Variants in BICD2 observed in about 807,000 individuals in gnomAD.
BICD2 encodes BICD cargo adaptor 2, also known as protein bicaudal D homolog 2.
BICD2 carries 25 observed loss-of-function variants against 72.9 expected under a neutral mutation model. The ratio of observed to expected loss-of-function variants is 0.34; its 90% CI spans 0.25 to 0.48. The LOEUF (loss-of-function observed/expected upper bound fraction) is 0.48, where lower values mean the gene tolerates loss of function less well. Among genes scored for constraint, BICD2 ranks in the 20% least tolerant of loss-of-function variants. The probability of loss-of-function intolerance (pLI) is 0.99; values close to 1 mark genes in which losing one functional copy is unlikely to be tolerated. For missense variants in BICD2, 894 were observed against 1,175.2 expected (o/e 0.76, Z 3.50); for synonymous variants, 501 against 516.1 (o/e 0.97, Z 0.40).
intron 1 of BICD2, among the ~76,000 whole-genome samples, chr9:92,729,591 C>T (rs1853639676): frequency 6.6e-6 from 1 of 152,220 alleles, no homozygotes; most frequent in African/African-American, 2.4e-5. Context: ...ACACAGCCCC[C>T]ACCTTCTCCC....
rs1478749168 is a variant in BICD2 at position 92,717,897 on chromosome 9, C to T, written c.2158G>A (p.Ala720Thr). ...TTCATCATGGTCTCGGTAACCATGG[C>T]CTTCTCATTCTCATACTTGCTCTTC... is the stretch of plus-strand genomic sequence containing the variant. ...NLKSKYENEK[A>T]MVTETMMKLR... The change falls in exon 6 of 7, where the codon GCC (alanine) becomes ACC (threonine). Residue 720 changes from alanine to threonine, a missense_variant. By Grantham distance (58) the Ala-to-Thr change is moderately conservative. Coordinates refer to ENST00000356884, the MANE Select transcript of BICD2 (RefSeq NM_001003800.2). The T allele has an allele frequency of 2.5e-6, 4 of 1,613,556 alleles. No individual in the cohort carries two copies. Among genetic ancestry groups the T allele is most frequent in the East Asian group, 2.2e-5 (1 of 44,872 alleles).
chr9:92,733,525 A>T, intron 1 of BICD2, among the ~76,000 whole-genome samples: 1 of 146,816 alleles, frequency 6.8e-6, no homozygotes, highest in South Asian at 2.1e-4. Flanking sequence ...ACGACAGAGG[A>T]AAAAAAAAAA....
chr9:92,713,543 C>G lies in BICD2; in HGVS notation c.*1611G>C. The G allele has an allele frequency of 6.4e-7, 1 of 1,553,456 alleles. No individual in the cohort carries two copies. The highest frequency in any genetic ancestry group is 2.4e-5 in the East Asian group (1 of 41,574). On this transcript the variant is annotated 3_prime_UTR_variant, in exon 7 of 7. Transcript: ENST00000356884. ...TCTGACAATTGAAGCTCTCCACGTG[C>G]TGGGAGGGCGCGAGCACGTTAGTTG...
At position 92,756,802 on chromosome 9, in the gene BICD2, G is replaced by T. The variant is rs141567774; in HGVS notation, c.240+7703C>A. Among the ~76,000 whole-genome samples the T allele has an allele frequency of 9.0e-3, 1,360 of 151,788 alleles. 23 individuals are homozygous for T. The highest frequency in any genetic ancestry group is 0.032 in the African/African-American group (1,312 of 41,462). On this transcript the variant is annotated intron_variant, in intron 1 of 6. Coordinates refer to ENST00000356884, the MANE Select transcript of BICD2 (RefSeq NM_001003800.2). ...GAATCGCTTGAACCCGGGAGGCAGA[G>T]GTTGCAGTGAGCAGACATCGCGCCA...
intron 1 of BICD2, among the ~76,000 whole-genome samples, chr9:92,746,950 A>G (rs1397821022): frequency 6.6e-6 from 1 of 152,238 alleles, no homozygotes; most frequent in Non-Finnish European, 1.5e-5. Context: ...ACTAGTCAGC[A>G]GCCAGAGCTG....
chr9:92,737,745 T>C (rs1289409319), intron 1 of BICD2, among the ~76,000 whole-genome samples: 2 of 152,232 alleles, frequency 1.3e-5, no homozygotes, highest in Non-Finnish European at 2.9e-5. Flanking sequence ...CAAGTGTTAC[T>C]TTCTGTGAAA....
At chr9:92,741,587 TTTTC>T (rs1422472866) in intron 1 of BICD2, among the ~76,000 whole-genome samples, 2 of 152,278 alleles carry the variant, frequency 1.3e-5, no homozygotes, top group Non-Finnish European at 2.9e-5. Context: ...ATTTTCTTTT[TTTTC>T]TTTATGTCAT....
intron 6 of BICD2, 104 bp from the exon 7 acceptor site, chr9:92,715,567 A>AG: frequency 8.4e-7 from 1 of 1,184,786 alleles, no homozygotes; most frequent in African/African-American, 1.5e-5. Context: ...CCTATACCAG[A>AG]GCCATCCTTC....
chr9:92,733,851 C>T (rs1288480944), intron 1 of BICD2, among the ~76,000 whole-genome samples: 1 of 152,016 alleles, frequency 6.6e-6, no homozygotes, highest in East Asian at 1.9e-4. Flanking sequence ...CCCGTAGTCC[C>T]AGCTACTGGG....
chr9:92,730,406 T>C (rs2131511581), intron 1 of BICD2, among the ~76,000 whole-genome samples: 1 of 152,270 alleles, frequency 6.6e-6, no homozygotes, highest in South Asian at 2.1e-4. Flanking sequence ...AAACCATGAA[T>C]AAGGATGTTA....
At position 92,762,593 on chromosome 9, in the gene BICD2, ATTC is replaced by A. The variant is rs530307097; in HGVS notation, c.240+1909_240+1911del. ...CAGAAACAGGTATACCCTCTTCCTG[ATTC>A]TGCTAGGGACTCACCCTCCAGATAC... On this transcript the variant is annotated intron_variant, in intron 1 of 6. Transcript: ENST00000356884. 5.9e-5 allele frequency among the ~76,000 whole-genome samples: 9 copies of A among 152,326 alleles called. No homozygotes were observed. In the South Asian group the frequency reaches 1.7e-3, roughly 28 times the overall value.
chr9:92,754,423 C>T (rs571732601), intron 1 of BICD2, among the ~76,000 whole-genome samples: 22 of 152,298 alleles, frequency 1.4e-4, no homozygotes, highest in Non-Finnish European at 2.6e-4. Flanking sequence ...TCATCGTGTT[C>T]AAACTGTTCC....
Position 92,714,847 on chromosome 9 carries a change from G to C in BICD2, c.*307C>G. 1 of 1,129,652 alleles carries C rather than the reference G, an allele frequency of 8.9e-7. No individual in the cohort carries two copies. Among genetic ancestry groups the C allele is most frequent in the Non-Finnish European group, 1.1e-6 (1 of 921,222 alleles). 70.0% of individuals were successfully genotyped at this position (1,129,652 alleles called of 1,614,324 possible). On this transcript the variant is annotated 3_prime_UTR_variant, in exon 7 of 7. Transcript: ENST00000356884. The stretch of plus-strand genomic sequence containing the variant: ...TCCTCCCTTGGGTTTCCCCACGGGT[G>C]CGCAGGGCTTAGAAGATGCTTTCAT...
chr9:92,736,679 A>T (rs576834063), intron 1 of BICD2, among the ~76,000 whole-genome samples: 1 of 152,298 alleles, frequency 6.6e-6, no homozygotes, highest in African/African-American at 2.4e-5. Context: ...TTCTTGCGTG[A>T]GATTCAAGAA....
chr9:92,755,852 T>C (rs1461760773), intron 1 of BICD2, among the ~76,000 whole-genome samples: 1 of 152,194 alleles, frequency 6.6e-6, no homozygotes, highest in African/African-American at 2.4e-5. Context: ...GTCCTGGGCC[T>C]GAGCCCGCCA....
intron 1 of BICD2, among the ~76,000 whole-genome samples, chr9:92,744,904 T>C (rs1047674485): frequency 5.9e-5 from 9 of 152,114 alleles, no homozygotes; most frequent in Admixed American, 3.3e-4. Context: ...GGATGACATA[T>C]TTGCCAACAT....
At chr9:92,752,083 G>A (rs550341616) in intron 1 of BICD2, among the ~76,000 whole-genome samples, 1 of 152,150 alleles carries the variant, frequency 6.6e-6, no homozygotes, top group Non-Finnish European at 1.5e-5. Context: ...GGGATTACAG[G>A]CATGAGCCAC....
chr9:92,725,900 T>C (rs906637861), intron 2 of BICD2, among the ~76,000 whole-genome samples: 1 of 152,218 alleles, frequency 6.6e-6, no homozygotes, highest in South Asian at 2.1e-4. Context: ...GAGACCCAGC[T>C]CTGACCCCAG....
intron 1 of BICD2, among the ~76,000 whole-genome samples, chr9:92,743,473 G>A (rs1398214785): frequency 4.6e-5 from 7 of 150,614 alleles, no homozygotes; most frequent in South Asian, 4.2e-4. Flanking sequence ...GGGATTATAC[G>A]CACAAGATAC....
Sources: gnomAD v4.1 joint callset for allele counts (sites outside exome capture counted in the v4.1 genomes callset) on GRCh38, gnomAD v4.1.1 for gene constraint, MANE v1.5 for transcripts, NCBI Gene and HGNC (gene_info 2026-07-23, HGNC 2026-07-21) for gene names.